The following RALYL variants were observed in gnomAD, a reference collection of about 807,000 sequenced individuals.
RALYL encodes the protein RNA-binding Raly-like protein.
In RALYL, 29 loss-of-function variants were observed where a neutral mutation model predicts 35.1. The observed-to-expected ratio is 0.83, with a 90% CI of 0.61 to 1.13. The LOEUF (loss-of-function observed/expected upper bound fraction) is 1.13, where lower values mean the gene tolerates loss of function less well. Among genes scored for constraint, RALYL ranks in the 50% most tolerant of loss-of-function variants. RALYL has a pLI of 0.00. For synonymous variants in RALYL, 120 were observed against 127.6 expected, an observed-to-expected ratio of 0.94 and a Z score of 0.40; for missense variants, 359 against 360.4, an observed-to-expected ratio of 1.00 and a Z score of 0.03.
At chr8:84,794,248 T>G (rs1821418579) in intron 3 of RALYL, among the ~76,000 whole-genome samples, 1 of 152,226 alleles carries the variant, frequency 6.6e-6, no homozygotes, top group African/African-American at 2.4e-5. Flanking sequence ...TACAGAGTAT[T>G]GACTCTTATA....
intron 2 of RALYL, among the ~76,000 whole-genome samples, chr8:84,731,264 C>T (rs1474165105): frequency 1.3e-5 from 2 of 152,084 alleles, no homozygotes; most frequent in African/African-American, 2.4e-5. Flanking sequence ...TTGAATTCAG[C>T]AAAACTCATG....
chr8:84,529,548 A>G lies in RALYL; in HGVS notation c.227A>G (p.Asn76Ser). 1 of 1,608,954 alleles carries G rather than the reference A, an allele frequency of 6.2e-7. No individual in the cohort carries two copies. Among genetic ancestry groups the G allele is most frequent in the Non-Finnish European group, 8.5e-7 (1 of 1,175,570 alleles). Residue 76 changes from asparagine (N) to serine (S), a missense_variant, in exon 2 of 9, where the codon AAT becomes AGT. Coordinates refer to ENST00000521268, the MANE Select transcript of RALYL (RefSeq NM_173848.7). ...GCAAGAGCTGCAGTGGCTGGAGAAA[A>G]TGCCAGAGTCATCGCCGGCCAACCA... ...RHARAAVAGE[N>S]ARVIAGQPLD... is the part of the protein sequence containing the mutation.
chr8:84,318,971 A>G (rs1844301158), intron 1 of RALYL, among the ~76,000 whole-genome samples: 1 of 152,310 alleles, frequency 6.6e-6, no homozygotes, highest in Admixed American at 6.5e-5. Flanking sequence ...TGACATGGAT[A>G]ACACTGCTTT....
intron 4 of RALYL, among the ~76,000 whole-genome samples, chr8:84,830,131 CAA>C (rs1274082543): frequency 6.7e-6 from 1 of 150,276 alleles, no homozygotes; most frequent in African/African-American, 2.5e-5. Context: ...TGAACTGAAA[CAA>C]AGAGGCAGTG....
intron 1 of RALYL, among the ~76,000 whole-genome samples, chr8:84,323,321 G>T (rs1016214846): frequency 1.2e-4 from 18 of 151,910 alleles, no homozygotes; most frequent in African/African-American, 3.6e-4. Flanking sequence ...TGTACATAGA[G>T]AACATAAATA....
At chr8:84,729,688 A>C (rs1417417966) in intron 2 of RALYL, among the ~76,000 whole-genome samples, 7 of 152,138 alleles carry the variant, frequency 4.6e-5, no homozygotes, top group Admixed American at 4.6e-4. Flanking sequence ...GCAATAAAAA[A>C]TGATAAAGGG....
chr8:84,343,030 C>G (rs1217607980), intron 1 of RALYL, among the ~76,000 whole-genome samples: 2 of 152,068 alleles, frequency 1.3e-5, no homozygotes, highest in Non-Finnish European at 2.9e-5. Flanking sequence ...AAAGAAGTCA[C>G]TCTTCATTCA....
intron 1 of RALYL, among the ~76,000 whole-genome samples, chr8:84,189,052 T>C (rs887404469): frequency 6.6e-6 from 1 of 152,174 alleles, no homozygotes; most frequent in Non-Finnish European, 1.5e-5. Context: ...TGAGTTAGTA[T>C]TTAGGATTTA....
chr8:84,473,355 AT>A, intron 1 of RALYL, among the ~76,000 whole-genome samples: 1 of 151,650 alleles, frequency 6.6e-6, no homozygotes, highest in Admixed American at 6.6e-5. Context: ...TAGATTTAAT[AT>A]TTAATTTAAT....
intron 1 of RALYL, among the ~76,000 whole-genome samples, chr8:84,417,428 T>A (rs1319091249): frequency 1.3e-5 from 2 of 152,062 alleles, no homozygotes; most frequent in Non-Finnish European, 2.9e-5. Context: ...GAGCATGGCT[T>A]ATTTTCTTTT....
chr8:84,441,077 G>A (rs1366395857), intron 1 of RALYL, among the ~76,000 whole-genome samples: 3 of 151,840 alleles, frequency 2.0e-5, no homozygotes, highest in Admixed American at 6.6e-5. Flanking sequence ...CGATCTAATA[G>A]GTATGTAGTA....
intron 2 of RALYL, among the ~76,000 whole-genome samples, chr8:84,654,324 C>A (rs1431999589): frequency 9.5e-6 from 1 of 104,808 alleles, no homozygotes; most frequent in Non-Finnish European, 2.0e-5. Flanking sequence ...TCATGTACCA[C>A]ATATAGGTAT....
At chr8:84,530,510 T>A (rs1047840675) in intron 2 of RALYL, among the ~76,000 whole-genome samples, 2 of 151,928 alleles carry the variant, frequency 1.3e-5, no homozygotes, top group African/African-American at 4.8e-5. Flanking sequence ...AAACTTTGAT[T>A]CTTAACTTCC....
At chr8:84,676,755 C>T (rs1188075584) in intron 2 of RALYL, among the ~76,000 whole-genome samples, 2 of 152,094 alleles carry the variant, frequency 1.3e-5, no homozygotes, top group Non-Finnish European at 2.9e-5. Context: ...AAGTTATAAT[C>T]CTTTCAAAAT....
chr8:84,413,261 A>C (rs2044278266), intron 1 of RALYL, among the ~76,000 whole-genome samples: 1 of 151,508 alleles, frequency 6.6e-6, no homozygotes. Flanking sequence ...TTAAAGCTTT[A>C]ATATTTTTTG....
chr8:84,782,031 G>GCACACACACACACACA (rs35098202), intron 3 of RALYL, among the ~76,000 whole-genome samples: 1 of 148,550 alleles, frequency 6.7e-6, no homozygotes, highest in Non-Finnish European at 1.5e-5. Context: ...GCACACGCGC[G>GCACACACACACACACA]CACACACACA....
chr8:84,493,106 C>T (rs1174067945), intron 1 of RALYL, among the ~76,000 whole-genome samples: 1 of 152,014 alleles, frequency 6.6e-6, no homozygotes, highest in Non-Finnish European at 1.5e-5. Context: ...TGTGTTGTTC[C>T]CCTCCCTGTG....
intron 1 of RALYL, among the ~76,000 whole-genome samples, chr8:84,318,079 T>C (rs1480852682): frequency 6.6e-6 from 1 of 152,220 alleles, no homozygotes; most frequent in African/African-American, 2.4e-5. Context: ...TTTACTATTA[T>C]GCCTCTATGG....
chr8:84,248,375 C>A (rs1829538695), intron 1 of RALYL, among the ~76,000 whole-genome samples: 1 of 152,214 alleles, frequency 6.6e-6, no homozygotes, highest in South Asian at 2.1e-4. Flanking sequence ...TCCTGATAGG[C>A]AAACAATGCC....
Sources: gnomAD v4.1 joint callset for allele counts (sites outside exome capture counted in the v4.1 genomes callset) on GRCh38, gnomAD v4.1.1 for gene constraint, MANE v1.5 for transcripts, NCBI Gene and HGNC (gene_info 2026-07-23, HGNC 2026-07-21) for gene names.